The following PHACTR4 variants were observed in gnomAD, a reference collection of about 807,000 sequenced individuals.
PHACTR4 encodes the protein phosphatase and actin regulator 4, also known as protein phosphatase 1, regulatory subunit 124.
PHACTR4 carries 51 observed loss-of-function variants against 72.7 expected under a neutral mutation model. That is an observed-to-expected ratio of 0.70 (90% CI 0.56 to 0.89). PHACTR4 has a LOEUF of 0.89. PHACTR4 is among the 40% of genes least tolerant of loss of function. PHACTR4 has a pLI of 0.00. For missense variants in PHACTR4, 731 were observed against 861.8 expected, an observed-to-expected ratio of 0.85 and a Z score of 1.90; for synonymous variants, 255 against 302.5, an observed-to-expected ratio of 0.84 and a Z score of 1.63.
intron 1 of PHACTR4, among the ~76,000 whole-genome samples, chr1:28,387,349 G>A (rs1453269794): frequency 6.6e-6 from 1 of 151,690 alleles, no homozygotes; most frequent in Non-Finnish European, 1.5e-5. Context: ...GATTCCAAGA[G>A]ATAATATTTA....
At chr1:28,411,082 T>C (rs889868176) in intron 2 of PHACTR4, among the ~76,000 whole-genome samples, 15 of 152,000 alleles carry the variant, frequency 9.9e-5, no homozygotes, top group African/African-American at 3.4e-4. Flanking sequence ...AGTCTTGCTC[T>C]GTCACCCAGG....
intron 1 of PHACTR4, among the ~76,000 whole-genome samples, chr1:28,383,764 G>A (rs1183306687): frequency 6.6e-6 from 1 of 152,120 alleles, no homozygotes; most frequent in Admixed American, 6.6e-5. Context: ...GAGACCATGA[G>A]GTTTTCTGGA....
chr1:28,479,279 G>A (rs1219747464), intron 8 of PHACTR4, among the ~76,000 whole-genome samples: 1 of 152,040 alleles, frequency 6.6e-6, no homozygotes, highest in East Asian at 1.9e-4. Flanking sequence ...AATTGGCTGA[G>A]CATGGTAGCA....
chr1:28,491,000 G>A lies in PHACTR4; in HGVS notation c.1866G>A (p.Arg622=). ...RQAEKREIKR[R]LTRKLSQRPT... ...CAGAAAAACGAGAAATTAAACGTCG[G>A]CTCACTAGAAAGGTACTACTGCCTG... The change falls in exon 11 of 14, where the codon CGG becomes CGA. Residue 622 remains arginine (R), a synonymous_variant. Transcript: ENST00000373839. The A allele has an allele frequency of 1.9e-6, 3 of 1,613,660 alleles. No individual in the cohort carries two copies. The highest frequency in any genetic ancestry group is 2.5e-6 in the Non-Finnish European group (3 of 1,179,706).
At chr1:28,398,713 G>A (rs1653717799) in intron 1 of PHACTR4, among the ~76,000 whole-genome samples, 1 of 152,050 alleles carries the variant, frequency 6.6e-6, no homozygotes. Flanking sequence ...CAGCTACTTG[G>A]GAGGCTGAGG....
At chr1:28,464,957 G>A (rs566526393) in intron 4 of PHACTR4, among the ~76,000 whole-genome samples, 8 of 152,014 alleles carry the variant, frequency 5.3e-5, no homozygotes, top group Non-Finnish European at 1.2e-4. Flanking sequence ...ACCTGCCTCA[G>A]CCTCCCAAAG....
intron 4 of PHACTR4, among the ~76,000 whole-genome samples, 180 bp from the exon 5 acceptor site, chr1:28,465,505 C>T (rs529288671): frequency 6.6e-6 from 1 of 152,202 alleles, no homozygotes; most frequent in South Asian, 2.1e-4. Flanking sequence ...TATCCTAGCA[C>T]TTCGGGAGAC....
intron 9 of PHACTR4, among the ~76,000 whole-genome samples, chr1:28,486,258 A>C (rs1196186677): frequency 6.6e-6 from 1 of 152,102 alleles, no homozygotes; most frequent in Non-Finnish European, 1.5e-5. Flanking sequence ...TGGGAGGCTG[A>C]GGCAGGAGAA....
chr1:28,402,910 T>C (rs1454493463), intron 1 of PHACTR4, among the ~76,000 whole-genome samples: 1 of 152,144 alleles, frequency 6.6e-6, no homozygotes, highest in Non-Finnish European at 1.5e-5. Context: ...AAGAAGTAAA[T>C]GATTTCTGTG....
At chr1:28,471,697 A>G (rs1659570939) in intron 6 of PHACTR4, among the ~76,000 whole-genome samples, 1 of 152,124 alleles carries the variant, frequency 6.6e-6, no homozygotes, top group South Asian at 2.1e-4. Context: ...CTTTGGTGAA[A>G]CTATAGGAAT....
intron 4 of PHACTR4, among the ~76,000 whole-genome samples, chr1:28,461,659 C>A (rs544204935): frequency 6.6e-6 from 1 of 152,044 alleles, no homozygotes; most frequent in Admixed American, 6.6e-5. Flanking sequence ...CAATTGGTTA[C>A]CTCTGAAGTT....
chr1:28,373,581 C>T (rs780826567), intron 1 of PHACTR4, among the ~76,000 whole-genome samples: 7 of 152,028 alleles, frequency 4.6e-5, no homozygotes, highest in East Asian at 1.9e-4. Context: ...TCAGCCATCA[C>T]GCCTGGCCCA....
At chr1:28,386,540 T>C (rs1020971685) in intron 1 of PHACTR4, among the ~76,000 whole-genome samples, 1 of 152,166 alleles carries the variant, frequency 6.6e-6, no homozygotes, top group South Asian at 2.1e-4. Context: ...CTCACTATTA[T>C]TTTGTGGGAA....
At chr1:28,477,447 A>G (rs1285906789) in intron 8 of PHACTR4, among the ~76,000 whole-genome samples, 3 of 151,944 alleles carry the variant, frequency 2.0e-5, no homozygotes, top group Admixed American at 6.6e-5. Flanking sequence ...CTCTAGGATT[A>G]CAGGCATGAG....
chr1:28,460,432 A>C, intron 4 of PHACTR4, 140 bp downstream of exon 4: 1 of 583,296 alleles, frequency 1.7e-6, no homozygotes, highest in Non-Finnish European at 3.0e-6. Flanking sequence ...AAAAAAGTTC[A>C]CCCTTCCTTC....
intron 2 of PHACTR4, among the ~76,000 whole-genome samples, chr1:28,445,259 A>C (rs1657369598): frequency 6.6e-6 from 1 of 151,390 alleles, no homozygotes; most frequent in African/African-American, 2.4e-5. Flanking sequence ...GGCCATATTT[A>C]ATTATTCTTT....
Position 28,489,240 on chromosome 1 carries a change from G to A in PHACTR4, c.1816+15G>A, listed in dbSNP as rs375234150. 19 of 1,599,912 alleles carry A rather than the reference G, an allele frequency of 1.2e-5. No individual in the cohort carries two copies. In the African/African-American group the frequency reaches 2.4e-4, roughly 20 times the overall value. On this transcript the variant is annotated intron_variant, in intron 10 of 13. Transcript: ENST00000373839. ...TATATTGCAACGTGAGTCCAGTTAT[G>A]GAAATAAAGTTGTATAGATTTTCTT...
intron 1 of PHACTR4, among the ~76,000 whole-genome samples, chr1:28,392,702 T>C (rs1653152547): frequency 6.6e-6 from 1 of 152,074 alleles, no homozygotes; most frequent in South Asian, 2.1e-4. Flanking sequence ...CAAGAAGCTA[T>C]TAAGTGTATC....
intron 2 of PHACTR4, among the ~76,000 whole-genome samples, chr1:28,421,899 A>G (rs1448534228): frequency 6.6e-6 from 1 of 152,206 alleles, no homozygotes; most frequent in East Asian, 1.9e-4. Context: ...GGTTTCAGTG[A>G]AGGCCAGTTA....
Sources: allele counts gnomAD v4.1 joint callset (sites outside exome capture counted in the v4.1 genomes callset), GRCh38; gene constraint gnomAD v4.1.1; transcripts MANE v1.5; gene names NCBI Gene and HGNC (gene_info 2026-07-23, HGNC 2026-07-21).